The following OTOGL variants were observed in gnomAD, a reference collection of about 807,000 sequenced individuals.
OTOGL encodes the protein otogelin like.
A neutral mutation model predicts 318.5 loss-of-function variants in OTOGL; 285 were observed. The observed-to-expected ratio is 0.89, with a 90% confidence interval of 0.81 to 0.99. OTOGL has a LOEUF of 0.99. OTOGL is among the 50% of genes least tolerant of loss of function. OTOGL has a pLI of 0.00. For missense variants in OTOGL, 2,899 were observed against 2,845.6 expected (o/e 1.02, Z -0.43); for synonymous variants, 987 against 936.5 (o/e 1.05, Z -0.99).
rs906788013 is a variant in OTOGL at position 80,380,170 on chromosome 12, A to G, written c.*2122A>G. 2 of 152,064 alleles carry G rather than the reference A, an allele frequency of 1.3e-5. No individual in the cohort carries two copies. Among genetic ancestry groups the G allele is most frequent in the Non-Finnish European group, 2.9e-5 (2 of 67,940 alleles). The allele number at this position is 152,064 out of a possible 1,614,324, so 9.4% of individuals were successfully genotyped here. ...GATTTAAATGTTAAAAAACAAAAGA[A>G]GATAGGAGTTACAAAAGAAAATAGG... On this transcript the variant is annotated 3_prime_UTR_variant, in exon 59 of 59. Coordinates refer to ENST00000547103, the MANE Select transcript of OTOGL (RefSeq NM_001378609.3).
At position 80,232,401 on chromosome 12, in the gene OTOGL, C is replaced by T. The variant is rs147585952; in HGVS notation, c.612-491C>T. Among the ~76,000 whole-genome samples the T allele has an allele frequency of 7.2e-3, 1,091 of 152,176 alleles. 17 individuals carry two copies. Among genetic ancestry groups the T allele is most frequent in the African/African-American group, 0.025 (1,035 of 41,530 alleles). Reference sequence around the variant, plus strand: ...AGAAACTCATATTTCCTTATAGCCACGTTTAAAATAAAATTAAACAAAATC... The same window carrying T: ...AGAAACTCATATTTCCTTATAGCCATGTTTAAAATAAAATTAAACAAAATC... On this transcript the variant is annotated intron_variant, in intron 8 of 58. Transcript: ENST00000547103.
intron 8 of OTOGL, among the ~76,000 whole-genome samples, chr12:80,229,930 T>C (rs1879216105): frequency 6.6e-6 from 1 of 151,878 alleles, no homozygotes; most frequent in South Asian, 2.1e-4. Flanking sequence ...TCTAGTTTCC[T>C]ATCTGCCAAA....
At position 80,339,188 on chromosome 12, in the gene OTOGL, G is replaced by A. The variant is rs1888597136; in HGVS notation, c.4974G>A (p.Trp1658Ter). The A allele has an allele frequency of 6.2e-7, 1 of 1,611,312 alleles. No homozygotes were observed. Among genetic ancestry groups the A allele is most frequent in the Admixed American group, 1.7e-5 (1 of 59,870 alleles). ...ITTPAGLIIK[W>*]SHLTGIIDIH... ...CTCCAGCTGGACTAATCATAAAGTGGTCTCATCTTACAGGAATCATAGACA... is the reference window on the plus strand; with the variant it reads ...CTCCAGCTGGACTAATCATAAAGTGATCTCATCTTACAGGAATCATAGACA... Residue 1658 changes from tryptophan (W) to a stop codon, truncating the protein, a stop_gained, in exon 43 of 59, where the codon TGG becomes TGA. Coordinates refer to ENST00000547103, the MANE Select transcript of OTOGL (RefSeq NM_001378609.3). LOFTEE classifies it high-confidence loss of function.
At chr12:80,198,800 C>A (rs1313823130) in intron 1 of OTOGL, among the ~76,000 whole-genome samples, 1 of 152,118 alleles carries the variant, frequency 6.6e-6, no homozygotes, top group Non-Finnish European at 1.5e-5. Flanking sequence ...CTAGCAAATT[C>A]TATTACTCTG....
intron 1 of OTOGL, among the ~76,000 whole-genome samples, chr12:80,120,181 G>A (rs1870406425): frequency 6.6e-6 from 1 of 151,970 alleles, no homozygotes; most frequent in African/African-American, 2.4e-5. Context: ...TAGCTGGGGT[G>A]ATAGATTTCT....
At chr12:80,162,855 T>C (rs1384835630) in intron 1 of OTOGL, among the ~76,000 whole-genome samples, 1 of 152,004 alleles carries the variant, frequency 6.6e-6, no homozygotes, top group Non-Finnish European at 1.5e-5. Context: ...GACACAATCA[T>C]TATAGGTGTG....
At chr12:80,334,728 G>A (rs1198110020) in intron 38 of OTOGL, among the ~76,000 whole-genome samples, 1 of 152,124 alleles carries the variant, frequency 6.6e-6, no homozygotes, top group Non-Finnish European at 1.5e-5. Flanking sequence ...GGTCTGAGAT[G>A]AGGTCTGAGA....
intron 29 of OTOGL, among the ~76,000 whole-genome samples, chr12:80,309,788 C>G (rs542495375): frequency 4.6e-5 from 7 of 152,194 alleles, no homozygotes; most frequent in Non-Finnish European, 8.8e-5. Flanking sequence ...TGATTAGGAT[C>G]TGCTGAGAGA....
intron 43 of OTOGL, among the ~76,000 whole-genome samples, chr12:80,340,759 AC>A (rs1888715577): frequency 6.6e-6 from 1 of 152,170 alleles, no homozygotes; most frequent in Admixed American, 6.5e-5. Flanking sequence ...TGTTATCCAA[AC>A]AGGGTCTGAA....
intron 1 of OTOGL, among the ~76,000 whole-genome samples, chr12:80,104,550 C>T (rs905748262): frequency 2.6e-5 from 4 of 152,026 alleles, no homozygotes; most frequent in African/African-American, 9.7e-5. Context: ...GATACAGTGC[C>T]TTAGTTCGTC....
intron 34 of OTOGL, among the ~76,000 whole-genome samples, chr12:80,322,982 A>G (rs1303255053): frequency 6.6e-6 from 1 of 152,048 alleles, no homozygotes; most frequent in Non-Finnish European, 1.5e-5. Flanking sequence ...AATAATATCT[A>G]CTTAATAGGG....
chr12:80,318,308 T>A (rs1887100144), intron 32 of OTOGL, among the ~76,000 whole-genome samples: 1 of 152,140 alleles, frequency 6.6e-6, no homozygotes. Flanking sequence ...TAAACCTTTA[T>A]GAAACAACTG....
At chr12:80,126,046 C>T (rs1346226760) in intron 1 of OTOGL, among the ~76,000 whole-genome samples, 1 of 152,086 alleles carries the variant, frequency 6.6e-6, no homozygotes, top group Admixed American at 6.5e-5. Context: ...TCCTTCAGTT[C>T]TGCTCTGATC....
Position 80,257,902 on chromosome 12 carries a change from A to C in OTOGL, c.1789A>C (p.Ile597Leu), listed in dbSNP as rs1882200560. The C allele has an allele frequency of 6.3e-7, 1 of 1,597,404 alleles. No homozygotes were observed. Among genetic ancestry groups the C allele is most frequent in the Non-Finnish European group, 8.5e-7 (1 of 1,178,522 alleles). The change falls in exon 18 of 59, where the codon ATA becomes CTA. Residue 597 changes from isoleucine to leucine, a missense_variant. This residue lies in a region of OTOGL where 2,607 missense variants were observed against 2,524.9 expected (regional missense o/e 1.03). Coordinates refer to ENST00000547103, the MANE Select transcript of OTOGL (RefSeq NM_001378609.3). Reference sequence around the variant, plus strand: ...ATTTGGTTTAAAGATTCTGTTTGCTATAGATGGGGAAAGAATTTATATTCA... The same window carrying C: ...ATTTGGTTTAAAGATTCTGTTTGCTCTAGATGGGGAAAGAATTTATATTCA... ...TTFGLKILFA[I>L]DGERIYIQLT...
chr12:80,263,798 A>G (rs969985596), intron 19 of OTOGL, among the ~76,000 whole-genome samples: 4 of 152,022 alleles, frequency 2.6e-5, no homozygotes, highest in Non-Finnish European at 2.9e-5. Context: ...ATTTTTTTTC[A>G]TGAGGATCTT....
intron 19 of OTOGL, 85 bp from the exon 20 acceptor site, chr12:80,264,916 G>A (rs1882827587): frequency 5.2e-6 from 7 of 1,345,260 alleles, no homozygotes; most frequent in Admixed American, 3.4e-5. Context: ...GCACTACAGT[G>A]TATTTCTAAG....
chr12:80,196,329 T>G (rs1426158479), intron 1 of OTOGL, among the ~76,000 whole-genome samples: 2 of 152,236 alleles, frequency 1.3e-5, no homozygotes, highest in African/African-American at 2.4e-5. Flanking sequence ...TTACATGACA[T>G]CTATCATTGT....
At chr12:80,243,163 T>C (rs1219434209) in intron 11 of OTOGL, among the ~76,000 whole-genome samples, 3 of 151,984 alleles carry the variant, frequency 2.0e-5, no homozygotes, top group African/African-American at 4.8e-5. Context: ...AAAGAAAAAT[T>C]CTTGAAAGCA....
chr12:80,232,679 A>G (rs182863392), intron 8 of OTOGL, among the ~76,000 whole-genome samples: 1 of 152,256 alleles, frequency 6.6e-6, no homozygotes, highest in African/African-American at 2.4e-5. Flanking sequence ...AGAAAGCAGC[A>G]TCATTTTTGT....
Sources: gnomAD v4.1 joint callset for allele counts (sites outside exome capture counted in the v4.1 genomes callset) on GRCh38, gnomAD v4.1.1 for gene constraint, gnomAD v4.1.1 regional missense constraint, MANE v1.5 for transcripts, NCBI Gene and HGNC (gene_info 2026-07-23, HGNC 2026-07-21) for gene names.